The following CHD7 variants were observed in gnomAD, a reference collection of about 807,000 sequenced individuals.
CHD7 encodes chromodomain helicase DNA binding protein 7, also known as ATP-dependent chromatin remodeler CHD7.
A neutral mutation model predicts 307.3 loss-of-function variants in CHD7; 24 were observed. The ratio of observed to expected loss-of-function variants is 0.08; its 90% CI spans 0.06 to 0.11. The LOEUF (loss-of-function observed/expected upper bound fraction) is 0.11. Ranked by LOEUF, CHD7 falls within the 10% of genes least tolerant of loss-of-function variation. The probability of loss-of-function intolerance (pLI) is 1.00; values close to 1 mark genes in which losing one functional copy is unlikely to be tolerated. For synonymous variants in CHD7, 1,363 were observed against 1,349.9 expected (o/e 1.01, Z -0.21); for missense variants, 3,106 against 3,727.1 (o/e 0.83, Z 4.34).
At chr8:60,823,561 G>A (rs1371850058) in intron 12 of CHD7, among the ~76,000 whole-genome samples, 2 of 152,166 alleles carry the variant, frequency 1.3e-5, no homozygotes, top group African/African-American at 2.4e-5. Flanking sequence ...TGTCCTACGT[G>A]AATGTGTGAC....
intron 1 of CHD7, among the ~76,000 whole-genome samples, chr8:60,710,859 C>T (rs1563534287): frequency 6.6e-6 from 1 of 152,168 alleles, no homozygotes; most frequent in Non-Finnish European, 1.5e-5. Flanking sequence ...TGTGCAGACA[C>T]CTATCTGCAC....
intron 1 of CHD7, among the ~76,000 whole-genome samples, chr8:60,705,041 C>T (rs538388098): frequency 1.3e-5 from 2 of 152,246 alleles, no homozygotes; most frequent in South Asian, 2.1e-4. Flanking sequence ...TGCATAGGAG[C>T]TCTGAATGTG....
chr8:60,858,752 C>T (rs931729340), intron 34 of CHD7, among the ~76,000 whole-genome samples: 12 of 152,122 alleles, frequency 7.9e-5, no homozygotes, highest in Non-Finnish European at 1.5e-4. Flanking sequence ...GGACTACAGG[C>T]GCGCACCACC....
At chr8:60,765,124 C>T (rs1017076171) in intron 2 of CHD7, among the ~76,000 whole-genome samples, 24 of 152,034 alleles carry the variant, frequency 1.6e-4, no homozygotes, top group African/African-American at 2.4e-5. Context: ...TTGAAGGTGT[C>T]GTGGGACTTT....
At chr8:60,841,525 A>G in intron 19 of CHD7, 119 bp from the exon 20 acceptor site, 1 of 751,926 alleles carries the variant, frequency 1.3e-6, no homozygotes. Context: ...CATCTACTGT[A>G]GTGTCTGGCA....
intron 21 of CHD7, among the ~76,000 whole-genome samples, chr8:60,844,663 G>A (rs552930626): frequency 4.6e-5 from 7 of 152,264 alleles, no homozygotes; most frequent in South Asian, 2.1e-4. Context: ...CAACTCATGC[G>A]CTTAGAAGCA....
chr8:60,838,999 T>C (rs1161838042), intron 19 of CHD7, among the ~76,000 whole-genome samples: 2 of 152,246 alleles, frequency 1.3e-5, no homozygotes, highest in Non-Finnish European at 2.9e-5. Flanking sequence ...ATTACAGACT[T>C]GAGCAAATAT....
At chr8:60,743,435 C>G (rs1200407030) in intron 2 of CHD7, among the ~76,000 whole-genome samples, 2 of 152,184 alleles carry the variant, frequency 1.3e-5, no homozygotes, top group African/African-American at 4.8e-5. Flanking sequence ...CTTTCTCTTT[C>G]TTTGTGTGTG....
intron 1 of CHD7, among the ~76,000 whole-genome samples, chr8:60,707,290 A>C (rs778949769): frequency 6.6e-6 from 1 of 152,216 alleles, no homozygotes; most frequent in African/African-American, 2.4e-5. Flanking sequence ...AGTGATTTCA[A>C]TTACAGTAGT....
chr8:60,845,600 A>C (rs1805175228), intron 23 of CHD7, among the ~76,000 whole-genome samples, 191 bp downstream of exon 23: 1 of 152,190 alleles, frequency 6.6e-6, no homozygotes, highest in Non-Finnish European at 1.5e-5. Context: ...ATATGGAGGG[A>C]CAGCTCTGTT....
chr8:60,840,797 T>G (rs980838394), intron 19 of CHD7, among the ~76,000 whole-genome samples: 1 of 151,764 alleles, frequency 6.6e-6, no homozygotes, highest in Admixed American at 6.6e-5. Context: ...TTTGCATTTT[T>G]TGTAGAGACA....
chr8:60,684,396 T>C (rs1388928725), intron 1 of CHD7, among the ~76,000 whole-genome samples: 1 of 152,208 alleles, frequency 6.6e-6, no homozygotes, highest in Admixed American at 6.5e-5. Flanking sequence ...ACCTGAAAGA[T>C]GCAATGCTAT....
chr8:60,820,181 G>A (rs1476329142), intron 9 of CHD7, 91 bp downstream of exon 9: 1 of 746,384 alleles, frequency 1.3e-6, no homozygotes, highest in Non-Finnish European at 2.2e-6. Flanking sequence ...ACCTGGTCTT[G>A]GTCAGAGCCT....
chr8:60,713,124 T>G (rs979676503), intron 1 of CHD7, among the ~76,000 whole-genome samples: 6 of 151,458 alleles, frequency 4.0e-5, no homozygotes, highest in Admixed American at 2.0e-4. Context: ...TGTTTTTTGT[T>G]GTTGTTGGGA....
chr8:60,679,746 C>G (rs1419556158), intron 1 of CHD7: 4 of 148,424 alleles, frequency 2.7e-5, no homozygotes, highest in Non-Finnish European at 6.0e-5. Context: ...GTGCGTTCCT[C>G]CCGGCGCGGC....
chr8:60,828,860 G>T, intron 14 of CHD7, 54 bp downstream of exon 14: 1 of 1,508,042 alleles, frequency 6.6e-7, no homozygotes, highest in Non-Finnish European at 9.2e-7. Context: ...ATTAGCCCAT[G>T]AAATGGCAAA....
chr8:60,689,605 A>G (rs1384678507), intron 1 of CHD7, among the ~76,000 whole-genome samples: 1 of 152,230 alleles, frequency 6.6e-6, no homozygotes, highest in Admixed American at 6.5e-5. Context: ...TTAGAAGGAT[A>G]GGAACAACAA....
intron 1 of CHD7, among the ~76,000 whole-genome samples, chr8:60,722,433 G>A (rs1394893143): frequency 6.6e-6 from 1 of 151,994 alleles, no homozygotes; most frequent in Non-Finnish European, 1.5e-5. Flanking sequence ...TATAATTACT[G>A]GCATATTGTA....
At chr8:60,800,822 C>G (rs1288154280) in intron 5 of CHD7, among the ~76,000 whole-genome samples, 4 of 152,198 alleles carry the variant, frequency 2.6e-5, no homozygotes, top group Non-Finnish European at 4.4e-5. Context: ...GAATATACCT[C>G]TGAGAATTCA....
Sources: gnomAD v4.1 joint callset for allele counts (sites outside exome capture counted in the v4.1 genomes callset) on GRCh38, gnomAD v4.1.1 for gene constraint, MANE v1.5 for transcripts, NCBI Gene and HGNC (gene_info 2026-07-23, HGNC 2026-07-21) for gene names.